PPFIBP1: variants seen among roughly 807,000 people sequenced by gnomAD.
The protein encoded by PPFIBP1 is liprin-beta-1.
Under a neutral mutation model 137.8 loss-of-function variants are expected in PPFIBP1, and 112 were observed. The ratio of observed to expected loss-of-function variants is 0.81; its 90% CI spans 0.70 to 0.95. PPFIBP1 has a LOEUF of 0.95. PPFIBP1 is among the 40% of genes least tolerant of loss of function. The pLI is 0.00. For missense variants in PPFIBP1, 1,083 were observed against 1,196.6 expected, an observed-to-expected ratio of 0.91 and a Z score of 1.40; for synonymous variants, 378 against 417.3, an observed-to-expected ratio of 0.91 and a Z score of 1.15.
At chr12:27,672,224 T>C (rs972960793) in intron 14 of PPFIBP1, among the ~76,000 whole-genome samples, 2 of 152,088 alleles carry the variant, frequency 1.3e-5, no homozygotes, top group Non-Finnish European at 2.9e-5. Flanking sequence ...ATACAGTAGT[T>C]TGTCTCTAAG....
chr12:27,685,896 T>G (rs905918816), intron 24 of PPFIBP1, among the ~76,000 whole-genome samples: 2 of 152,186 alleles, frequency 1.3e-5, no homozygotes, highest in Non-Finnish European at 2.9e-5. Context: ...TTTAAAAAAA[T>G]TGGGAAGAAA....
chr12:27,642,930 G>T (rs2058216703), intron 4 of PPFIBP1, among the ~76,000 whole-genome samples: 3 of 151,972 alleles, frequency 2.0e-5, no homozygotes, highest in South Asian at 4.2e-4. Context: ...AGAAAGGAAA[G>T]AAATAAGAGG....
chr12:27,573,689 A>C (rs1003038481), intron 1 of PPFIBP1, among the ~76,000 whole-genome samples: 2 of 152,226 alleles, frequency 1.3e-5, no homozygotes, highest in Non-Finnish European at 2.9e-5. Flanking sequence ...GATTAAAAAG[A>C]AGGTTAAAAG....
intron 1 of PPFIBP1, among the ~76,000 whole-genome samples, chr12:27,538,679 T>C (rs767379050): frequency 6.6e-6 from 1 of 152,208 alleles, no homozygotes; most frequent in Non-Finnish European, 1.5e-5. Context: ...ATTCAACCAA[T>C]ATGCATTAGG....
chr12:27,661,426 T>C (rs6487632), intron 11 of PPFIBP1, among the ~76,000 whole-genome samples: 151,587 of 152,288 alleles, frequency 1, 75,450 homozygotes, highest in East Asian at 1. Context: ...AACAGCGGCA[T>C]GGGCTTTACG....
chr12:27,569,742 G>A (rs2136629599), intron 1 of PPFIBP1, among the ~76,000 whole-genome samples: 1 of 152,184 alleles, frequency 6.6e-6, no homozygotes, highest in Admixed American at 6.5e-5. Flanking sequence ...GTATTTTTTA[G>A]TGGAGACAGG....
intron 4 of PPFIBP1, among the ~76,000 whole-genome samples, chr12:27,639,833 C>T (rs1185823106): frequency 6.6e-6 from 1 of 152,102 alleles, no homozygotes; most frequent in African/African-American, 2.4e-5. Flanking sequence ...AGAGTTCAGC[C>T]ACGGGACATG....
In PPFIBP1 at chr12:27,609,458, T is replaced by C. The variant is rs564652347; in HGVS notation, c.-35-23904T>C. The stretch of plus-strand genomic sequence containing the variant: ...CCCATCAGTCCCATCTCCTAACATA[T>C]GTTACATCTGTCTACTTCTGTTGCC... On this transcript the variant is annotated intron_variant, in intron 2 of 29. Coordinates refer to ENST00000228425, the MANE Select transcript of PPFIBP1 (RefSeq NM_003622.4). 3.9e-5 allele frequency among the ~76,000 whole-genome samples: 6 copies of C among 152,316 alleles called. 1 individual carries two copies. In the South Asian group the frequency reaches 1.2e-3, roughly 32 times the overall value.
chr12:27,661,015 C>T, intron 11 of PPFIBP1, 70 bp downstream of exon 11: 5 of 1,583,932 alleles, frequency 3.2e-6, no homozygotes, highest in Non-Finnish European at 4.3e-6. Flanking sequence ...CATGCAATTT[C>T]ATGAGCTATG....
intron 27 of PPFIBP1, among the ~76,000 whole-genome samples, chr12:27,691,465 G>C (rs1377911014): frequency 6.6e-6 from 1 of 152,048 alleles, no homozygotes; most frequent in Non-Finnish European, 1.5e-5. Flanking sequence ...TGTTTATCAC[G>C]GTGACTATTC....
intron 1 of PPFIBP1, among the ~76,000 whole-genome samples, chr12:27,536,702 C>G (rs1010700628): frequency 1.3e-5 from 2 of 152,234 alleles, no homozygotes; most frequent in African/African-American, 4.8e-5. Flanking sequence ...TTCTCCTCTG[C>G]TCACTTGTGG....
chr12:27,660,741 G>A (rs2059494604), intron 10 of PPFIBP1, 143 bp from the exon 11 acceptor site: 4 of 1,275,430 alleles, frequency 3.1e-6, no homozygotes, highest in Non-Finnish European at 4.2e-6. Flanking sequence ...GAATATGGGT[G>A]TTAAATGTGC....
Position 27,692,857 on chromosome 12 carries a change from T to C in PPFIBP1, c.2993T>C (p.Ile998Thr). 1.2e-6 allele frequency: 2 copies of C among 1,614,134 alleles called. No homozygotes were observed. Among genetic ancestry groups the C allele is most frequent in the Non-Finnish European group, 1.7e-6 (2 of 1,180,012 alleles). The change falls in exon 30 of 30, where the codon ATT becomes ACT. Residue 998 changes from isoleucine to threonine, a missense_variant. Ile to Thr is a moderately conservative substitution (Grantham distance 89, BLOSUM62 -1). Transcript: ENST00000228425. ...DFAARSPSAS[I>T]TDEDSNV The stretch of plus-strand genomic sequence containing the variant: ...GCTGCCCGTTCCCCCAGTGCCAGCA[T>C]TACAGATGAAGACTCAAACGTTTGA...
intron 1 of PPFIBP1, among the ~76,000 whole-genome samples, chr12:27,550,991 A>ATATATATT (rs375148048): frequency 2.7e-4 from 37 of 136,714 alleles, no homozygotes; most frequent in African/African-American, 4.2e-4. Flanking sequence ...ATATATATAT[A>ATATATATT]TTTTTTTTTT....
Position 27,674,700 on chromosome 12 carries a change from A to G in PPFIBP1, c.1410+479A>G, listed in dbSNP as rs555432120. Among the ~76,000 whole-genome samples, 16 of 152,236 alleles carry G rather than the reference A, an allele frequency of 1.1e-4. No homozygotes were observed. The East Asian group carries it at 3.1e-3, about 29-fold the overall frequency. On this transcript the variant is annotated intron_variant, in intron 17 of 29. Coordinates refer to ENST00000228425, the MANE Select transcript of PPFIBP1 (RefSeq NM_003622.4). ...TAACTGAGCTTCCTTAGACCTCCCCAAAAGCCCTTCTTAGATTACCATTAG... is the reference window on the plus strand; with the variant it reads ...TAACTGAGCTTCCTTAGACCTCCCCGAAAGCCCTTCTTAGATTACCATTAG...
intron 2 of PPFIBP1, among the ~76,000 whole-genome samples, chr12:27,586,042 G>T (rs568245100): frequency 6.6e-6 from 1 of 152,326 alleles, no homozygotes; most frequent in South Asian, 2.1e-4. Context: ...GAGGAATTGT[G>T]TGTCAGCAAC....
intron 20 of PPFIBP1, 57 bp downstream of exon 20, chr12:27,679,696 G>A: frequency 1.3e-6 from 2 of 1,570,202 alleles, no homozygotes; most frequent in Non-Finnish European, 1.7e-6. Context: ...GCTTAAAAGT[G>A]GCTGGACATG....
At chr12:27,595,885 A>ACAACAAC (rs745567082) in intron 2 of PPFIBP1, among the ~76,000 whole-genome samples, 159 of 116,282 alleles carry the variant, frequency 1.4e-3, no homozygotes, top group East Asian at 1.9e-3. Context: ...AACAACAACA[A>ACAACAAC]AATATATATA....
At chr12:27,640,570 T>C (rs1340442885) in intron 4 of PPFIBP1, among the ~76,000 whole-genome samples, 3 of 151,712 alleles carry the variant, frequency 2.0e-5, no homozygotes, top group African/African-American at 7.3e-5. Flanking sequence ...AATATTATAG[T>C]CTAAACATGT....
Sources: gnomAD v4.1 joint callset for allele counts (sites outside exome capture counted in the v4.1 genomes callset) on GRCh38, gnomAD v4.1.1 for gene constraint, MANE v1.5 for transcripts, NCBI Gene and HGNC (gene_info 2026-07-23, HGNC 2026-07-21) for gene names.